Variants in PIK3C2G observed in about 807,000 individuals in gnomAD.
PIK3C2G encodes the protein phosphatidylinositol-4-phosphate 3-kinase catalytic subunit type 2 gamma.
PIK3C2G carries 168 observed loss-of-function variants against 181.1 expected under a neutral mutation model. That is an observed-to-expected ratio of 0.93 (90% CI 0.82 to 1.05). PIK3C2G has a LOEUF of 1.05. Among genes scored for constraint, PIK3C2G ranks in the 50% least tolerant of loss-of-function variants. PIK3C2G has a pLI of 0.00. For synonymous variants in PIK3C2G, 573 were observed against 592.2 expected (o/e 0.97, Z 0.47); for missense variants, 1,869 against 1,732.8 (o/e 1.08, Z -1.40).
At chr12:18,369,043 T>C (rs1313077242) in intron 12 of PIK3C2G, among the ~76,000 whole-genome samples, 1 of 152,186 alleles carries the variant, frequency 6.6e-6, no homozygotes, top group Non-Finnish European at 1.5e-5. Flanking sequence ...GCTTTTGTCA[T>C]CTTCAGTACT....
chr12:18,512,962 C>G (rs1360026204), intron 24 of PIK3C2G, among the ~76,000 whole-genome samples: 6 of 151,790 alleles, frequency 4.0e-5, no homozygotes, highest in African/African-American at 7.2e-5. Flanking sequence ...TCCTGAGGTA[C>G]ATATCCTTTA....
At chr12:18,431,308 T>A (rs1946146520) in intron 18 of PIK3C2G, among the ~76,000 whole-genome samples, 1 of 152,182 alleles carries the variant, frequency 6.6e-6, no homozygotes. Flanking sequence ...AAACAAAGGA[T>A]GATCCTTGCC....
chr12:18,483,686 G>A lies in PIK3C2G; in HGVS notation c.2505-4763G>A, dbSNP rs561073939. On this transcript the variant is annotated intron_variant, in intron 18 of 32. Coordinates refer to ENST00000538779, the MANE Select transcript of PIK3C2G (RefSeq NM_001288772.2). ...CAAAATATCCTCAGGGATACCCCCCGAGAATGTTTAAAAAAATGTGCTTTC... is the reference window on the plus strand; with the variant it reads ...CAAAATATCCTCAGGGATACCCCCCAAGAATGTTTAAAAAAATGTGCTTTC... 4.6e-5 allele frequency among the ~76,000 whole-genome samples: 7 copies of A among 151,462 alleles called. No homozygotes were observed. The East Asian group carries it at 7.8e-4, about 17-fold the overall frequency.
At chr12:18,513,064 A>G (rs776493576) in intron 24 of PIK3C2G, among the ~76,000 whole-genome samples, 1 of 151,688 alleles carries the variant, frequency 6.6e-6, no homozygotes, top group Non-Finnish European at 1.5e-5. Context: ...TGTTATTTTT[A>G]TCCTTCATTT....
chr12:18,567,141 T>A, intron 29 of PIK3C2G, 84 bp downstream of exon 29: 1 of 693,948 alleles, frequency 1.4e-6, no homozygotes, highest in Non-Finnish European at 2.5e-6. Context: ...TTTATGTCTG[T>A]AATGCCAGTA....
chr12:18,310,982 A>C (rs923426494), intron 5 of PIK3C2G, among the ~76,000 whole-genome samples: 1 of 152,032 alleles, frequency 6.6e-6, no homozygotes, highest in African/African-American at 2.4e-5. Context: ...AGAAAGTATA[A>C]TAAGCTCTTG....
chr12:18,488,372 C>A, intron 18 of PIK3C2G, 77 bp from the exon 19 acceptor site: 1 of 921,206 alleles, frequency 1.1e-6, no homozygotes, highest in Non-Finnish European at 1.5e-6. Context: ...GTTTGAAATG[C>A]ACTTACTGTT....
At chr12:18,386,080 G>A (rs1943149808) in intron 14 of PIK3C2G, among the ~76,000 whole-genome samples, 1 of 151,872 alleles carries the variant, frequency 6.6e-6, no homozygotes, top group Non-Finnish European at 1.5e-5. Flanking sequence ...TCCTTCCACA[G>A]AACCAAACCC....
At chr12:18,699,716 T>C in the PIK3C2G span, 7 of 1,374,398 alleles carry the variant, frequency 5.1e-6, no homozygotes, top group Admixed American at 1.2e-4. Context: ...TTTATAAATA[T>C]CATTGAGCAA....
intron 24 of PIK3C2G, among the ~76,000 whole-genome samples, chr12:18,511,022 C>T (rs925787963): frequency 6.6e-6 from 1 of 152,248 alleles, no homozygotes; most frequent in Admixed American, 6.5e-5. Context: ...CTCTGATAAT[C>T]ACCATTCTAC....
At chr12:18,650,400 CA>C (rs774808786), downstream of PIK3C2G, among the ~76,000 whole-genome samples, 44 of 124,494 alleles carry the variant, frequency 3.5e-4, no homozygotes, top group East Asian at 2.0e-3. Flanking sequence ...TATACACACA[CA>C]TTTTTTTTTT....
At chr12:18,254,882 T>G (rs1362076831) in intron 1 of PIK3C2G, among the ~76,000 whole-genome samples, 7 of 151,544 alleles carry the variant, frequency 4.6e-5, no homozygotes. Context: ...AATTTCTTAA[T>G]TTAAAAAATT....
chr12:18,281,110 AT>A (rs1949195615), intron 1 of PIK3C2G, among the ~76,000 whole-genome samples: 1 of 151,918 alleles, frequency 6.6e-6, no homozygotes, highest in South Asian at 2.1e-4. Flanking sequence ...AAATGGAGCT[AT>A]TGATTAAGTA....
intron 16 of PIK3C2G, among the ~76,000 whole-genome samples, chr12:18,407,734 G>A (rs149725376): frequency 2.4e-4 from 37 of 152,170 alleles, no homozygotes; most frequent in Middle Eastern, 6.8e-3. Context: ...TTATATTCGA[G>A]CTCAAATCTA....
intron 15 of PIK3C2G, among the ~76,000 whole-genome samples, 190 bp downstream of exon 15, chr12:18,391,442 C>T (rs900184514): frequency 5.9e-5 from 9 of 152,176 alleles, no homozygotes; most frequent in South Asian, 2.1e-4. Context: ...CTGCTTTTAA[C>T]GATTTATTTC....
chr12:18,449,948 G>A (rs1226923541), intron 18 of PIK3C2G, among the ~76,000 whole-genome samples: 3 of 152,096 alleles, frequency 2.0e-5, no homozygotes, highest in Admixed American at 2.0e-4. Context: ...AGCATCTGCT[G>A]TTTTCTGACT....
At chr12:18,542,006 T>C (rs923151763) in intron 25 of PIK3C2G, among the ~76,000 whole-genome samples, 14 of 151,790 alleles carry the variant, frequency 9.2e-5, no homozygotes, top group Admixed American at 9.2e-4. Context: ...ACTTGGCAGC[T>C]AGTGTGTGAC....
chr12:18,476,783 T>C (rs10743273), intron 18 of PIK3C2G, among the ~76,000 whole-genome samples: 63,941 of 151,352 alleles, frequency 0.42, 14,258 homozygotes, highest in East Asian at 0.6. Context: ...TTGGGGAGAA[T>C]GATGATGAAA....
intron 3 of PIK3C2G, among the ~76,000 whole-genome samples, chr12:18,288,974 C>A (rs923751829): frequency 5.9e-5 from 9 of 152,088 alleles, no homozygotes; most frequent in Non-Finnish European, 1.3e-4. Context: ...AAAACATACA[C>A]CAAACAATAA....
Sources: gnomAD v4.1 joint callset for allele counts (sites outside exome capture counted in the v4.1 genomes callset) on GRCh38, gnomAD v4.1.1 for gene constraint, MANE v1.5 for transcripts, NCBI Gene and HGNC (gene_info 2026-07-23, HGNC 2026-07-21) for gene names.